SORCS1: variants seen among roughly 807,000 people sequenced by gnomAD.
SORCS1 encodes sortilin related VPS10 domain containing receptor 1.
A neutral mutation model predicts 146.1 loss-of-function variants in SORCS1; 60 were observed. That is an observed-to-expected ratio of 0.41 (90% CI 0.33 to 0.51). The LOEUF is 0.51. SORCS1 is among the 20% of genes least tolerant of loss of function. SORCS1 has a pLI of 0.21. For missense variants in SORCS1, 1,352 were observed against 1,487.6 expected, an observed-to-expected ratio of 0.91 and a Z score of 1.50; for synonymous variants, 637 against 584.0, an observed-to-expected ratio of 1.09 and a Z score of -1.31.
At chr10:106,840,859 A>G (rs1948999353) in intron 2 of SORCS1, among the ~76,000 whole-genome samples, 1 of 106,766 alleles carries the variant, frequency 9.4e-6, no homozygotes, top group Admixed American at 9.8e-5. Context: ...ATATATATAT[A>G]TATATTTTTT....
At chr10:106,719,414 CTTTCT>C (rs1416036948) in intron 6 of SORCS1, among the ~76,000 whole-genome samples, 116 of 96,532 alleles carry the variant, frequency 1.2e-3, no homozygotes, top group Non-Finnish European at 2.0e-3. Flanking sequence ...CAGTTTCTTT[CTTTCT>C]TTTTTTTTTT....
At chr10:107,178,027 G>A in the SORCS1 span, among the ~76,000 whole-genome samples, 1 of 152,132 alleles carries the variant, frequency 6.6e-6, no homozygotes, top group African/African-American at 2.4e-5. Flanking sequence ...AGGAAGGAGA[G>A]CATGAAGAAT....
At chr10:106,935,987 C>G (rs1031880187) in intron 2 of SORCS1, among the ~76,000 whole-genome samples, 4 of 152,204 alleles carry the variant, frequency 2.6e-5, no homozygotes, top group African/African-American at 9.7e-5. Flanking sequence ...CCTGTAAACT[C>G]AAATTACCCC....
chr10:107,168,430 A>T (rs1970097466), upstream of SORCS1, among the ~76,000 whole-genome samples: 1 of 152,212 alleles, frequency 6.6e-6, no homozygotes. Flanking sequence ...AAAAATCCAC[A>T]TGTGGATAAA....
intron 3 of SORCS1, among the ~76,000 whole-genome samples, chr10:106,777,082 T>C (rs1860495307): frequency 6.6e-6 from 1 of 152,170 alleles, no homozygotes; most frequent in South Asian, 2.1e-4. Flanking sequence ...TAGTCTGCTG[T>C]GGGAAAAGTG....
rs1950905275 is a variant in SORCS1, at chr10:106,884,019, T to C, written c.627-54346A>G. 2.0e-5 allele frequency among the ~76,000 whole-genome samples: 3 copies of C among 152,184 alleles called. 1 individual carries two copies. In the South Asian group the frequency reaches 6.2e-4, roughly 31 times the overall value. On this transcript the variant is annotated intron_variant, in intron 2 of 25. Transcript: ENST00000263054. ...ACATAAGTCATTTCTCAAGCCTTAA[T>C]ATATATCTACAACCTTGCTTCCTCT...
rs1455905552 is a variant in SORCS1 at position 106,863,406 on chromosome 10, TCTCAGCTA to T, written c.627-33741_627-33734del. Among the ~76,000 whole-genome samples the T allele has an allele frequency of 4.0e-5, 6 of 151,780 alleles. No individual in the cohort carries two copies. The East Asian group carries it at 9.7e-4, about 25-fold the overall frequency. ...TGGGTGTGGTGGTAGACACCTGTCA[TCTCAGCTA>T]CTCAGGACACTGAGGCAAGAGAATC... On this transcript the variant is annotated intron_variant, in intron 2 of 25. Transcript: ENST00000263054.
intron 1 of SORCS1, among the ~76,000 whole-genome samples, chr10:107,023,444 C>A (rs1228600669): frequency 6.6e-6 from 1 of 152,180 alleles, no homozygotes; most frequent in Non-Finnish European, 1.5e-5. Flanking sequence ...AATATATACC[C>A]TTATTTTTCA....
At chr10:106,718,707 ATTTTACAGAGTGCTGATTGGTCCGT>A (rs1260839293) in intron 6 of SORCS1, among the ~76,000 whole-genome samples, 1 of 152,116 alleles carries the variant, frequency 6.6e-6, no homozygotes, top group Non-Finnish European at 1.5e-5. Flanking sequence ...TGATTGGTCC[ATTTTACAGAGTGCTGATTGGTCCGT>A]TTTTACAGAG....
At chr10:106,732,660 C>A (rs971882231) in intron 5 of SORCS1, among the ~76,000 whole-genome samples, 1 of 152,188 alleles carries the variant, frequency 6.6e-6, no homozygotes, top group African/African-American at 2.4e-5. Flanking sequence ...ACTTGGCTTA[C>A]GGCTAGTGTC....
intron 2 of SORCS1, among the ~76,000 whole-genome samples, chr10:106,888,303 T>C (rs1951086443): frequency 6.6e-6 from 1 of 152,246 alleles, no homozygotes; most frequent in Non-Finnish European, 1.5e-5. Flanking sequence ...TGACTGAGGC[T>C]GCTCAACAAT....
At chr10:106,838,763 G>C (rs56957578) in intron 2 of SORCS1, among the ~76,000 whole-genome samples, 15 of 152,162 alleles carry the variant, frequency 9.9e-5, no homozygotes, top group African/African-American at 3.4e-4. Flanking sequence ...CAGGGAGCAA[G>C]TCTATTGGTG....
At chr10:107,052,515 T>G (rs1165020538) in intron 1 of SORCS1, among the ~76,000 whole-genome samples, 2 of 152,136 alleles carry the variant, frequency 1.3e-5, no homozygotes, top group African/African-American at 4.8e-5. Flanking sequence ...GTTCTCCACA[T>G]CTTCAGATTC....
intron 1 of SORCS1, among the ~76,000 whole-genome samples, chr10:107,156,021 G>T (rs1969255661): frequency 6.6e-6 from 1 of 152,136 alleles, no homozygotes; most frequent in African/African-American, 2.4e-5. Flanking sequence ...GATGGACACA[G>T]GTGAGGGCTT....
In SORCS1 at chr10:106,729,441, CTCT is replaced by C. The variant is rs892485798; in HGVS notation, c.1024+606_1024+608del. 6.9e-5 allele frequency among the ~76,000 whole-genome samples: 8 copies of C among 116,754 alleles called. No individual in the cohort carries two copies. The East Asian group carries it at 9.3e-4, about 14-fold the overall frequency. The allele number at this position is 116,754 out of a possible 152,430, so 76.6% of individuals were successfully genotyped here. On this transcript the variant is annotated intron_variant, in intron 6 of 25. Coordinates refer to ENST00000263054, the MANE Select transcript of SORCS1 (RefSeq NM_052918.5). The stretch of plus-strand genomic sequence containing the variant: ...GGACACACAGAAAAATTCTCTCTCT[CTCT>C]TTTTTTTTTTTTAATTCTTTCCAAG...
chr10:106,937,972 G>GAAAAAA (rs76116094), intron 2 of SORCS1, among the ~76,000 whole-genome samples: 17 of 129,140 alleles, frequency 1.3e-4, no homozygotes, highest in South Asian at 2.5e-4. Flanking sequence ...TCAAAAAGAA[G>GAAAAAA]AAAAAAAAAA....
intron 6 of SORCS1, among the ~76,000 whole-genome samples, chr10:106,724,966 C>T (rs1455108761): frequency 6.6e-6 from 1 of 151,892 alleles, no homozygotes; most frequent in Non-Finnish European, 1.5e-5. Flanking sequence ...ATGGCAAAAC[C>T]TCATCTCTAC....
At chr10:106,850,929 A>G (rs1367406417) in intron 2 of SORCS1, among the ~76,000 whole-genome samples, 1 of 152,122 alleles carries the variant, frequency 6.6e-6, no homozygotes, top group Non-Finnish European at 1.5e-5. Flanking sequence ...CTTCTAGCCA[A>G]TTGCAAAAAA....
At chr10:106,871,293 G>A (rs1030748727) in intron 2 of SORCS1, among the ~76,000 whole-genome samples, 4 of 152,150 alleles carry the variant, frequency 2.6e-5, no homozygotes, top group Non-Finnish European at 4.4e-5. Flanking sequence ...GCAGTATGGC[G>A]ATTCCTCAAA....
Sources: gnomAD v4.1 joint callset for allele counts (sites outside exome capture counted in the v4.1 genomes callset) on GRCh38, gnomAD v4.1.1 for gene constraint, MANE v1.5 for transcripts, NCBI Gene and HGNC (gene_info 2026-07-23, HGNC 2026-07-21) for gene names.